Variants in MAGI2 observed in about 807,000 individuals in gnomAD.
The protein encoded by MAGI2 is membrane-associated guanylate kinase, WW and PDZ domain-containing protein 2.
A neutral mutation model predicts 133.3 loss-of-function variants in MAGI2; 35 were observed. The ratio of observed to expected loss-of-function variants is 0.26; its 90% confidence interval spans 0.20 to 0.35. The LOEUF is 0.35. MAGI2 is among the 10% of genes least tolerant of loss of function. MAGI2 has a pLI of 1.00. For synonymous variants in MAGI2, 729 were observed against 710.6 expected, an observed-to-expected ratio of 1.03 and a Z score of -0.41; for missense variants, 1,636 against 1,863.4, an observed-to-expected ratio of 0.88 and a Z score of 2.25.
At chr7:78,781,682 G>A (rs1352222564) in intron 2 of MAGI2, among the ~76,000 whole-genome samples, 1 of 152,082 alleles carries the variant, frequency 6.6e-6, no homozygotes, top group Non-Finnish European at 1.5e-5. Flanking sequence ...GAAAGAAATA[G>A]CTTACATAGT....
At chr7:78,731,222 A>C (rs1415608288) in intron 2 of MAGI2, among the ~76,000 whole-genome samples, 2 of 152,120 alleles carry the variant, frequency 1.3e-5, no homozygotes, top group African/African-American at 2.4e-5. Context: ...TAATAAGAGG[A>C]AGAATTAGTT....
intron 1 of MAGI2, among the ~76,000 whole-genome samples, chr7:79,180,380 A>G (rs1826500547): frequency 6.6e-6 from 1 of 152,054 alleles, no homozygotes; most frequent in Non-Finnish European, 1.5e-5. Context: ...GGGAGGCCTC[A>G]CAATCATGGC....
intron 1 of MAGI2, among the ~76,000 whole-genome samples, chr7:79,087,313 C>T (rs1376130478): frequency 1.3e-5 from 2 of 151,770 alleles, no homozygotes; most frequent in Non-Finnish European, 2.9e-5. Flanking sequence ...CTTCTGTCTG[C>T]ATAGATAAAT....
chr7:78,966,911 G>A (rs550734210), intron 2 of MAGI2, among the ~76,000 whole-genome samples: 2 of 142,856 alleles, frequency 1.4e-5, no homozygotes, highest in East Asian at 2.1e-4. Context: ...TCAGATCCCT[G>A]TTGGCCACTA....
chr7:79,213,147 G>T (rs1183306399), intron 1 of MAGI2, among the ~76,000 whole-genome samples: 1 of 151,654 alleles, frequency 6.6e-6, no homozygotes, highest in African/African-American at 2.4e-5. Context: ...CAAAAATTAT[G>T]ACTTGAGATT....
chr7:78,607,586 T>C (rs568183543), intron 3 of MAGI2, among the ~76,000 whole-genome samples: 1 of 152,042 alleles, frequency 6.6e-6, no homozygotes, highest in Non-Finnish European at 1.5e-5. Context: ...TGGGAAAAGA[T>C]CCACCCTACC....
intron 2 of MAGI2, among the ~76,000 whole-genome samples, chr7:78,886,973 G>A (rs976688239): frequency 9.2e-5 from 14 of 152,056 alleles, no homozygotes; most frequent in Non-Finnish European, 1.8e-4. Context: ...TTTACAAGGG[G>A]CTTTTCTCCC....
intron 12 of MAGI2, among the ~76,000 whole-genome samples, chr7:78,188,993 G>A (rs763569556): frequency 6.6e-6 from 1 of 152,024 alleles, no homozygotes; most frequent in African/African-American, 2.4e-5. Context: ...AGATTCAAGC[G>A]GTGTTCTGTG....
intron 2 of MAGI2, among the ~76,000 whole-genome samples, chr7:78,687,896 G>A (rs986469162): frequency 4.2e-4 from 61 of 146,252 alleles, no homozygotes; most frequent in African/African-American, 1.4e-3. Context: ...CTTGAGCCTG[G>A]GAAGCAGAGG....
chr7:78,810,006 T>TA (rs1788904060), intron 2 of MAGI2, among the ~76,000 whole-genome samples: 2 of 152,104 alleles, frequency 1.3e-5, no homozygotes, highest in Non-Finnish European at 2.9e-5. Context: ...AGTACATTAC[T>TA]AAAAAAATAT....
At chr7:78,474,141 C>T (rs771533125) in intron 6 of MAGI2, among the ~76,000 whole-genome samples, 6 of 151,422 alleles carry the variant, frequency 4.0e-5, no homozygotes, top group Non-Finnish European at 7.4e-5. Flanking sequence ...GCTGATATGA[C>T]TATAAGATTA....
intron 2 of MAGI2, among the ~76,000 whole-genome samples, chr7:78,649,828 A>T (rs968261327): frequency 6.6e-6 from 1 of 152,144 alleles, no homozygotes; most frequent in South Asian, 2.1e-4. Flanking sequence ...AACAGTCCTC[A>T]TTTGTAAAAT....
intron 1 of MAGI2, among the ~76,000 whole-genome samples, chr7:79,385,559 AC>A (rs1306761814): frequency 1.4e-5 from 2 of 147,466 alleles, no homozygotes; most frequent in Non-Finnish European, 3.0e-5. Context: ...TATTTTCCTT[AC>A]CCATTTTTGA....
chr7:79,013,636 A>G (rs141830145), intron 1 of MAGI2, among the ~76,000 whole-genome samples: 49 of 152,282 alleles, frequency 3.2e-4, no homozygotes, highest in Middle Eastern at 3.4e-3. Context: ...TGACAGACAT[A>G]TCTAATCTAG....
At chr7:78,881,265 A>G (rs947583452) in intron 2 of MAGI2, among the ~76,000 whole-genome samples, 15 of 152,154 alleles carry the variant, frequency 9.9e-5, no homozygotes, top group East Asian at 1.9e-4. Context: ...ACCACAGAGT[A>G]TACATTCTTC....
At chr7:78,979,533 C>G (rs1331111932) in intron 2 of MAGI2, among the ~76,000 whole-genome samples, 1 of 151,802 alleles carries the variant, frequency 6.6e-6, no homozygotes, top group Non-Finnish European at 1.5e-5. Flanking sequence ...ACTTCCCTAC[C>G]AGCTCACAAA....
intron 6 of MAGI2, among the ~76,000 whole-genome samples, chr7:78,386,761 T>G (rs539714294): frequency 1.1e-4 from 17 of 152,172 alleles, no homozygotes; most frequent in African/African-American, 3.6e-4. Flanking sequence ...AGACTCTACA[T>G]GCAAACACGA....
At chr7:79,230,361 C>T (rs557221426) in intron 1 of MAGI2, among the ~76,000 whole-genome samples, 4 of 152,122 alleles carry the variant, frequency 2.6e-5, no homozygotes, top group South Asian at 2.1e-4. Flanking sequence ...CCTGAGGAAT[C>T]GCCACACCGA....
intron 6 of MAGI2, among the ~76,000 whole-genome samples, chr7:78,389,571 C>A (rs1343162442): frequency 1.3e-5 from 2 of 151,988 alleles, no homozygotes; most frequent in African/African-American, 4.8e-5. Context: ...GAAGAGCAAC[C>A]CTAGACAGAT....
Sources: gnomAD v4.1 joint callset for allele counts (sites outside exome capture counted in the v4.1 genomes callset) on GRCh38, gnomAD v4.1.1 for gene constraint, MANE v1.5 for transcripts, NCBI Gene and HGNC (gene_info 2026-07-23, HGNC 2026-07-21) for gene names.